Variants in LRRC37A2 observed in about 807,000 individuals in gnomAD.
LRRC37A2 encodes the protein leucine rich repeat containing 37 member A2.
A neutral mutation model predicts 68.8 loss-of-function variants in LRRC37A2; 9 were observed. That is an observed-to-expected ratio of 0.13 (90% CI 0.08 to 0.23). The LOEUF (loss-of-function observed/expected upper bound fraction) is 0.23. Ranked by LOEUF, LRRC37A2 falls within the 10% of genes least tolerant of loss-of-function variation. The pLI is 1.00. For missense variants in LRRC37A2, 168 were observed against 950.4 expected, an observed-to-expected ratio of 0.18 and a Z score of 10.82; for synonymous variants, 63 against 367.6, an observed-to-expected ratio of 0.17 and a Z score of 9.48.
chr17:46,812,947 G>A, the LRRC37A2 span, among the ~76,000 whole-genome samples: 1 of 152,284 alleles, frequency 6.6e-6, no homozygotes, highest in South Asian at 2.1e-4. Context: ...TACAGATGAG[G>A]AAACTGAGGC....
the LRRC37A2 span, among the ~76,000 whole-genome samples, chr17:46,909,473 A>C: frequency 6.6e-6 from 1 of 152,362 alleles, no homozygotes; most frequent in African/African-American, 2.4e-5. Flanking sequence ...ATAAAACATA[A>C]ATGTAAGCAT....
At chr17:46,840,615 C>A in the LRRC37A2 span, among the ~76,000 whole-genome samples, 2 of 152,242 alleles carry the variant, frequency 1.3e-5, no homozygotes, top group Middle Eastern at 3.2e-3. Context: ...TACACTCCCA[C>A]CAACAGTGTA....
chr17:46,798,321 C>A, the LRRC37A2 span, among the ~76,000 whole-genome samples: 1 of 152,146 alleles, frequency 6.6e-6, no homozygotes, highest in Non-Finnish European at 1.5e-5. Context: ...GAGGAGGACC[C>A]ACAGATGGAC....
At chr17:46,545,912 G>A (rs2056242971) in intron 8 of LRRC37A2, among the ~76,000 whole-genome samples, 2 of 149,520 alleles carry the variant, frequency 1.3e-5, no homozygotes, top group African/African-American at 5.1e-5. Context: ...GAAGTTGGGG[G>A]CTTATTCAGA....
chr17:46,726,824 A>G, the LRRC37A2 span, among the ~76,000 whole-genome samples: 4 of 152,222 alleles, frequency 2.6e-5, no homozygotes, highest in Non-Finnish European at 4.4e-5. Flanking sequence ...TAACACCATT[A>G]TAAACTGCTT....
At chr17:47,036,575 A>G in the LRRC37A2 span, among the ~76,000 whole-genome samples, 2 of 151,670 alleles carry the variant, frequency 1.3e-5, no homozygotes, top group Admixed American at 1.3e-4. Flanking sequence ...CAGTTGTTCC[A>G]GCACCATTTA....
At chr17:46,499,334 A>AAG in the LRRC37A2 span, among the ~76,000 whole-genome samples, 12 of 95,836 alleles carry the variant, frequency 1.3e-4, 1 homozygote, top group African/African-American at 4.7e-4. Context: ...AAAAAAAAAA[A>AAG]AGGTGGGGGG....
At chr17:46,872,207 A>T in the LRRC37A2 span, among the ~76,000 whole-genome samples, 15 of 152,228 alleles carry the variant, frequency 9.9e-5, no homozygotes, top group Admixed American at 9.8e-4. Context: ...CCCAGCATGG[A>T]TCCTGGGAAA....
the LRRC37A2 span, chr17:46,876,953 T>A: frequency 7.6e-7 from 1 of 1,312,110 alleles, no homozygotes. Context: ...CCAACCTTGT[T>A]GAGGACTTGG....
the LRRC37A2 span, among the ~76,000 whole-genome samples, chr17:46,938,366 A>G: frequency 6.6e-6 from 1 of 152,200 alleles, no homozygotes; most frequent in Admixed American, 6.5e-5. Context: ...CAGTCGTTCC[A>G]GCACCATTTG....
At chr17:47,046,015 A>G in the LRRC37A2 span, among the ~76,000 whole-genome samples, 3 of 64,076 alleles carry the variant, frequency 4.7e-5, no homozygotes, top group African/African-American at 1.6e-4. Flanking sequence ...GACCAAGGTG[A>G]ACTTCCAGAT....
At chr17:46,827,813 CT>C in the LRRC37A2 span, among the ~76,000 whole-genome samples, 453 of 141,854 alleles carry the variant, frequency 3.2e-3, no homozygotes, top group African/African-American at 4.8e-3. Flanking sequence ...AAATTTCTTT[CT>C]TTTTTTTTTT....
At chr17:47,048,004 T>C in the LRRC37A2 span, among the ~76,000 whole-genome samples, 6 of 151,172 alleles carry the variant, frequency 4.0e-5, no homozygotes, top group Admixed American at 2.6e-4. Flanking sequence ...GGAGAATTAA[T>C]AATGCTTGGT....
the LRRC37A2 span, among the ~76,000 whole-genome samples, chr17:46,896,329 A>G: frequency 1.4e-4 from 21 of 150,128 alleles, no homozygotes; most frequent in Admixed American, 2.7e-4. Context: ...GAAAGAGAGA[A>G]AGAGAGAGAG....
chr17:46,865,329 C>T, the LRRC37A2 span, among the ~76,000 whole-genome samples: 14 of 152,168 alleles, frequency 9.2e-5, no homozygotes, highest in East Asian at 5.8e-4. Flanking sequence ...GCCTGGTCTG[C>T]GGCTGTGAGA....
At chr17:46,793,824 GCC>G in the LRRC37A2 span, among the ~76,000 whole-genome samples, 5 of 152,176 alleles carry the variant, frequency 3.3e-5, no homozygotes, top group Admixed American at 3.3e-4. Flanking sequence ...GAGTAGAGAT[GCC>G]GGCTCCAGTT....
At chr17:46,793,030 C>T in the LRRC37A2 span, among the ~76,000 whole-genome samples, 9 of 151,206 alleles carry the variant, frequency 6.0e-5, no homozygotes, top group African/African-American at 9.7e-5. Context: ...TTTGAAAGGC[C>T]GAGGCGGGAG....
the LRRC37A2 span, among the ~76,000 whole-genome samples, chr17:46,776,484 G>A: frequency 5.1e-4 from 77 of 152,200 alleles, no homozygotes; most frequent in African/African-American, 1.8e-3. Flanking sequence ...CATTATCATC[G>A]CCATTGTCCC....
the LRRC37A2 span, among the ~76,000 whole-genome samples, chr17:46,718,088 GCACCACCTCAGGGCCTGGGGA>G: frequency 1.3e-5 from 2 of 152,214 alleles, no homozygotes; most frequent in South Asian, 4.1e-4. Context: ...TAGGATGCAG[GCACCACCTCAGGGCCTGGGGA>G]CTGACAGCTG....
Sources: allele counts gnomAD v4.1 joint callset (sites outside exome capture counted in the v4.1 genomes callset), GRCh38; gene constraint gnomAD v4.1.1; transcripts MANE v1.5; gene names NCBI Gene and HGNC (gene_info 2026-07-23, HGNC 2026-07-21).